The following CNTN5 variants were observed in gnomAD, a reference collection of about 807,000 sequenced individuals.
The protein encoded by CNTN5 is contactin 5, also known as contactin-5.
Under a neutral mutation model 129.1 loss-of-function variants are expected in CNTN5, and 77 were observed. The observed-to-expected ratio is 0.60, with a 90% CI of 0.50 to 0.72. The LOEUF (loss-of-function observed/expected upper bound fraction) is 0.72, where lower values mean the gene tolerates loss of function less well. Ranked by LOEUF, CNTN5 falls within the 30% of genes least tolerant of loss-of-function variation. CNTN5 has a pLI of 0.00. For synonymous variants in CNTN5, 509 were observed against 465.6 expected, an observed-to-expected ratio of 1.09 and a Z score of -1.20; for missense variants, 1,478 against 1,328.8, an observed-to-expected ratio of 1.11 and a Z score of -1.75.
intron 1 of CNTN5, among the ~76,000 whole-genome samples, chr11:99,243,002 A>G (rs1861637843): frequency 6.6e-6 from 1 of 152,172 alleles, no homozygotes; most frequent in Non-Finnish European, 1.5e-5. Flanking sequence ...TACACCCAGT[A>G]ATGGGATTCC....
At chr11:100,299,823 C>A (rs1951179497) in intron 20 of CNTN5, among the ~76,000 whole-genome samples, 1 of 151,404 alleles carries the variant, frequency 6.6e-6, no homozygotes, top group African/African-American at 2.4e-5. Context: ...ATGCATAAAG[C>A]ACTGTACTAA....
intron 6 of CNTN5, among the ~76,000 whole-genome samples, chr11:99,914,923 C>G (rs1180974787): frequency 6.6e-6 from 1 of 151,926 alleles, no homozygotes; most frequent in Non-Finnish European, 1.5e-5. Flanking sequence ...TCCTTCATAT[C>G]CACTAGTGTA....
At chr11:99,388,587 C>A (rs1555129624) in intron 2 of CNTN5, among the ~76,000 whole-genome samples, 1 of 152,088 alleles carries the variant, frequency 6.6e-6, no homozygotes, top group Non-Finnish European at 1.5e-5. Flanking sequence ...CTTACCAGGA[C>A]AAGCCCATTG....
chr11:99,573,409 A>G (rs1436514825), intron 3 of CNTN5, among the ~76,000 whole-genome samples: 1 of 151,618 alleles, frequency 6.6e-6, no homozygotes, highest in Non-Finnish European at 1.5e-5. Context: ...TCTCTACTAA[A>G]AATACAAAAA....
intron 2 of CNTN5, among the ~76,000 whole-genome samples, chr11:99,525,887 T>C (rs777811770): frequency 3.3e-5 from 5 of 152,226 alleles, no homozygotes; most frequent in Non-Finnish European, 5.9e-5. Context: ...ATCAATCCTA[T>C]TGCTTTGAAA....
chr11:99,296,094 G>A (rs1210610218), intron 1 of CNTN5, among the ~76,000 whole-genome samples: 8 of 152,124 alleles, frequency 5.3e-5, no homozygotes, highest in Admixed American at 3.9e-4. Context: ...TGTTCATAGT[G>A]GCATAAACAA....
At chr11:99,652,388 T>C (rs1179495349) in intron 3 of CNTN5, among the ~76,000 whole-genome samples, 1 of 152,080 alleles carries the variant, frequency 6.6e-6, no homozygotes, top group Non-Finnish European at 1.5e-5. Context: ...ATCTATACCA[T>C]CATCTTTGTC....
At chr11:100,062,215 A>G (rs79232667) in intron 10 of CNTN5, among the ~76,000 whole-genome samples, 13,996 of 152,262 alleles carry the variant, frequency 0.092, 828 homozygotes, top group East Asian at 0.18. Context: ...ATAAGCAAAT[A>G]TAGATGCTTT....
intron 13 of CNTN5, among the ~76,000 whole-genome samples, chr11:100,085,850 TAAGA>T (rs2137959956): frequency 6.6e-6 from 1 of 152,110 alleles, no homozygotes; most frequent in African/African-American, 2.4e-5. Flanking sequence ...CTTTGAGAGT[TAAGA>T]AAGAAGAAAA....
chr11:99,792,219 G>A (rs1336722627), intron 3 of CNTN5, among the ~76,000 whole-genome samples: 4 of 152,106 alleles, frequency 2.6e-5, no homozygotes, highest in Admixed American at 6.5e-5. Context: ...TATTCAGTAT[G>A]ATGTTGACTG....
intron 9 of CNTN5, among the ~76,000 whole-genome samples, chr11:100,055,028 TAAAAAAAAAAA>T (rs137939088): frequency 1.1e-5 from 1 of 91,692 alleles, no homozygotes; most frequent in Non-Finnish European, 2.2e-5. Flanking sequence ...AGCCGTAGCC[TAAAAAAAAAAA>T]AAAAAAAAAA....
intron 9 of CNTN5, among the ~76,000 whole-genome samples, chr11:100,033,137 G>A (rs1941809498): frequency 6.6e-6 from 1 of 152,032 alleles, no homozygotes; most frequent in Non-Finnish European, 1.5e-5. Flanking sequence ...ACAGAATATA[G>A]ACAGTTTTTA....
At chr11:100,073,082 T>G (rs985576661) in intron 12 of CNTN5, among the ~76,000 whole-genome samples, 1 of 149,464 alleles carries the variant, frequency 6.7e-6, no homozygotes, top group African/African-American at 2.5e-5. Flanking sequence ...AAAATCTCAC[T>G]GTCGCTCAGG....
At chr11:99,956,749 T>G (rs1950812374) in intron 7 of CNTN5, 57 bp from the exon 8 acceptor site, 2 of 1,302,596 alleles carry the variant, frequency 1.5e-6, no homozygotes, top group East Asian at 4.6e-5. Context: ...TGTTTGAGCT[T>G]TGTCTGTTAA....
intron 17 of CNTN5, among the ~76,000 whole-genome samples, chr11:100,258,167 C>G (rs981407662): frequency 6.6e-6 from 1 of 152,060 alleles, no homozygotes; most frequent in Non-Finnish European, 1.5e-5. Flanking sequence ...CCAAATCAAT[C>G]AAGCTGAAGA....
At chr11:99,407,263 A>G (rs1942116786) in intron 2 of CNTN5, among the ~76,000 whole-genome samples, 1 of 152,160 alleles carries the variant, frequency 6.6e-6, no homozygotes, top group Admixed American at 6.5e-5. Context: ...CTCTTCAGTT[A>G]GAAACTGATG....
chr11:100,070,135 G>A (rs963911860), intron 10 of CNTN5, among the ~76,000 whole-genome samples: 2 of 147,216 alleles, frequency 1.4e-5, no homozygotes, highest in Admixed American at 6.9e-5. Context: ...TGGTTCAGGT[G>A]CCTTGGGGAT....
At chr11:100,084,335 A>G (rs914891243) in intron 13 of CNTN5, among the ~76,000 whole-genome samples, 30 of 151,976 alleles carry the variant, frequency 2.0e-4, no homozygotes, top group African/African-American at 7.0e-4. Flanking sequence ...TGATTCGACT[A>G]CCTCCCCAAG....
At chr11:99,044,589 TGTTGACAGGCCTTGG>T (rs1475804342) in intron 1 of CNTN5, among the ~76,000 whole-genome samples, 6 of 152,166 alleles carry the variant, frequency 3.9e-5, no homozygotes, top group African/African-American at 1.4e-4. Flanking sequence ...ATGCAGGCCC[TGTTGACAGGCCTTGG>T]ATCATTTTGC....
Sources: gnomAD v4.1 joint callset for allele counts (sites outside exome capture counted in the v4.1 genomes callset) on GRCh38, gnomAD v4.1.1 for gene constraint, MANE v1.5 for transcripts, NCBI Gene and HGNC (gene_info 2026-07-23, HGNC 2026-07-21) for gene names.